The following PDZK1 variants were observed in gnomAD, a reference collection of about 807,000 sequenced individuals.
PDZK1 encodes Na(+)/H(+) exchange regulatory cofactor NHE-RF3.
A neutral mutation model predicts 38.1 loss-of-function variants in PDZK1; 23 were observed. The observed-to-expected ratio is 0.60, with a 90% CI of 0.43 to 0.85. The LOEUF is 0.85. Among genes scored for constraint, PDZK1 ranks in the 40% least tolerant of loss-of-function variants. The pLI is 0.00. For missense variants in PDZK1, 297 were observed against 504.3 expected (o/e 0.59, Z 3.94); for synonymous variants, 98 against 186.2 (o/e 0.53, Z 3.86).
intron 3 of PDZK1, among the ~76,000 whole-genome samples, chr1:145,685,399 C>G (rs1654662860): frequency 6.6e-6 from 1 of 152,190 alleles, no homozygotes; most frequent in Admixed American, 6.5e-5. Context: ...TAACCTAAAC[C>G]ATTCACCATG....
intron 1 of PDZK1, among the ~76,000 whole-genome samples, chr1:145,702,793 T>C (rs1282997878): frequency 8.5e-5 from 13 of 152,092 alleles, no homozygotes; most frequent in Admixed American, 7.9e-4. Flanking sequence ...CTCGGGAGGC[T>C]GAGGTAGGGG....
chr1:145,678,010 G>T (rs1282264197), intron 6 of PDZK1, among the ~76,000 whole-genome samples: 1 of 132,148 alleles, frequency 7.6e-6, no homozygotes, highest in African/African-American at 2.9e-5. Context: ...TTTGATTCAG[G>T]TTGGTCTTGG....
rs587602319 is a variant in PDZK1 at position 145,682,614 on chromosome 1, A to G, written c.483T>C (p.Thr161=). The stretch of plus-strand genomic sequence containing the variant: ...TAGCCACACCTTGAGGTGTAATATC[A>G]GTCATGTACACCCCCTTTTTACCTG... ...TVQGKKGVYM[T]DITPQGVAMR... is the part of the protein sequence containing the mutation. Residue 161 remains threonine, a synonymous_variant, in exon 4 of 9, where the codon ACT becomes ACC. Transcript: ENST00000417171. 339 of 1,611,958 alleles carry G rather than the reference A, an allele frequency of 2.1e-4. 1 individual carries two copies. The highest frequency in any genetic ancestry group is 2.8e-4 in the Non-Finnish European group (328 of 1,179,848).
intron 1 of PDZK1, 31 bp from the exon 2 acceptor site, chr1:145,688,054 A>C: frequency 1.3e-6 from 2 of 1,558,182 alleles, no homozygotes; most frequent in Non-Finnish European, 1.8e-6. Flanking sequence ...TAATAAAACC[A>C]TGGAAAAGAG....
chr1:145,677,526 A>C (rs1427432092), intron 6 of PDZK1, among the ~76,000 whole-genome samples: 2 of 152,036 alleles, frequency 1.3e-5, no homozygotes, highest in East Asian at 3.9e-4. Flanking sequence ...GCTAAAAAAA[A>C]AAAGCCATTA....
intron 1 of PDZK1, among the ~76,000 whole-genome samples, chr1:145,694,286 G>A (rs1553703797): frequency 3.3e-5 from 5 of 152,178 alleles, no homozygotes. Context: ...AACCCTGGAG[G>A]ATGAGTGATG....
chr1:145,697,651 G>A (rs2101927268), intron 1 of PDZK1, among the ~76,000 whole-genome samples: 1 of 152,022 alleles, frequency 6.6e-6, no homozygotes. Context: ...AGGCTGGAGT[G>A]CAGTGGTGCG....
chr1:145,686,444 C>A (rs782302073), intron 3 of PDZK1, 33 bp downstream of exon 3: 1 of 1,588,872 alleles, frequency 6.3e-7, no homozygotes, highest in Non-Finnish European at 8.6e-7. Flanking sequence ...GTGCCCTGCC[C>A]CTGCCTCCCC....
intron 8 of PDZK1, 118 bp downstream of exon 8, chr1:145,672,612 A>G (rs1653189750): frequency 1.5e-6 from 2 of 1,334,408 alleles, no homozygotes; most frequent in Non-Finnish European, 2.1e-6. Flanking sequence ...TTATCTTTAC[A>G]TTTTCATTTT....
intron 1 of PDZK1, among the ~76,000 whole-genome samples, chr1:145,703,136 C>T (rs1444938367): frequency 6.6e-6 from 1 of 152,136 alleles, no homozygotes; most frequent in Non-Finnish European, 1.5e-5. Context: ...AGATTATATA[C>T]GAATCCTTCC....
intron 1 of PDZK1, among the ~76,000 whole-genome samples, chr1:145,699,605 G>A (rs1184511073): frequency 4.6e-5 from 7 of 152,204 alleles, no homozygotes; most frequent in Non-Finnish European, 7.3e-5. Context: ...AGAAGGGACT[G>A]TGGAAGCAGT....
At chr1:145,681,986 ATAGTGAGACCCTATCTC>A (rs1198949987) in intron 4 of PDZK1, among the ~76,000 whole-genome samples, 1 of 92,440 alleles carries the variant, frequency 1.1e-5, no homozygotes, top group African/African-American at 4.9e-5. Context: ...CCTGGCCAAC[ATAGTGAGACCCTATCTC>A]TACAAAACAC....
At chr1:145,679,721 G>C (rs1433332390) in intron 5 of PDZK1, among the ~76,000 whole-genome samples, 3 of 152,072 alleles carry the variant, frequency 2.0e-5, no homozygotes, top group African/African-American at 7.2e-5. Context: ...TAATTGTTAG[G>C]AGTAATTGAG....
At chr1:145,698,700 G>A (rs587683682) in intron 1 of PDZK1, among the ~76,000 whole-genome samples, 3 of 151,852 alleles carry the variant, frequency 2.0e-5, no homozygotes, top group South Asian at 4.2e-4. Context: ...AGGCCGAGAC[G>A]GGTGAATTAC....
chr1:145,695,263 A>G (rs1283526439), intron 1 of PDZK1, among the ~76,000 whole-genome samples: 2 of 152,096 alleles, frequency 1.3e-5, no homozygotes, highest in Middle Eastern at 6.8e-3. Context: ...TCTACCAAAA[A>G]ATACAAAAAT....
intron 1 of PDZK1, among the ~76,000 whole-genome samples, chr1:145,695,381 A>G (rs1355687090): frequency 6.6e-6 from 1 of 152,042 alleles, no homozygotes; most frequent in Non-Finnish European, 1.5e-5. Flanking sequence ...GAGACAGTGC[A>G]CTGAACTCCA....
At chr1:145,688,711 A>G (rs1655006984) in intron 1 of PDZK1, among the ~76,000 whole-genome samples, 4 of 152,174 alleles carry the variant, frequency 2.6e-5, no homozygotes, top group Admixed American at 2.6e-4. Flanking sequence ...CTGTATTCCC[A>G]GCACTTTGGG....
intron 6 of PDZK1, chr1:145,676,260 G>C: frequency 1.7e-6 from 1 of 584,802 alleles, no homozygotes; most frequent in Non-Finnish European, 2.2e-6. Context: ...TCTATGATAA[G>C]ATCAGGAGGG....
intron 5 of PDZK1, among the ~76,000 whole-genome samples, chr1:145,679,581 G>A (rs2799110): frequency 0.033 from 4,934 of 150,224 alleles, 255 homozygotes; most frequent in African/African-American, 0.12. Flanking sequence ...ATCCATCTTG[G>A]TGCACATTCC....
Sources: gnomAD v4.1 joint callset for allele counts (sites outside exome capture counted in the v4.1 genomes callset) on GRCh38, gnomAD v4.1.1 for gene constraint, MANE v1.5 for transcripts, NCBI Gene and HGNC (gene_info 2026-07-23, HGNC 2026-07-21) for gene names.